The following KDM4C variants were observed in gnomAD, a reference collection of about 807,000 sequenced individuals.
The protein encoded by KDM4C is lysine demethylase 4C.
A neutral mutation model predicts 129.3 loss-of-function variants in KDM4C; 81 were observed. That is an observed-to-expected ratio of 0.63 (90% confidence interval 0.52 to 0.75). The LOEUF is 0.75. Ranked by LOEUF, KDM4C falls within the 30% of genes least tolerant of loss-of-function variation. KDM4C has a pLI of 0.00. For missense variants in KDM4C, 1,457 were observed against 1,304.0 expected, an observed-to-expected ratio of 1.12 and a Z score of -1.81; for synonymous variants, 573 against 456.1, an observed-to-expected ratio of 1.26 and a Z score of -3.26.
intron 8 of KDM4C, among the ~76,000 whole-genome samples, chr9:6,930,979 C>T (rs1183119632): frequency 6.6e-6 from 1 of 152,128 alleles, no homozygotes; most frequent in East Asian, 1.9e-4. Context: ...TGAGTACATG[C>T]TGAAATATGC....
At chr9:6,789,250 T>C (rs1826074106) in intron 1 of KDM4C, among the ~76,000 whole-genome samples, 1 of 149,250 alleles carries the variant, frequency 6.7e-6, no homozygotes, top group South Asian at 2.1e-4. Context: ...GATGGCGTTT[T>C]GCTCTTGTTG....
intron 6 of KDM4C, among the ~76,000 whole-genome samples, chr9:6,880,752 TG>T (rs1203529632): frequency 6.6e-6 from 1 of 152,212 alleles, no homozygotes; most frequent in African/African-American, 2.4e-5. Context: ...CTTTTGTGTG[TG>T]TAGACAATGC....
intron 17 of KDM4C, among the ~76,000 whole-genome samples, chr9:7,064,507 G>T (rs1213674766): frequency 1.3e-5 from 2 of 152,134 alleles, no homozygotes; most frequent in Admixed American, 6.5e-5. Flanking sequence ...ATACGAGGCA[G>T]GGTTGGTCAG....
intron 11 of KDM4C, among the ~76,000 whole-genome samples, chr9:6,990,130 C>G (rs1197094449): frequency 1.3e-5 from 2 of 152,124 alleles, no homozygotes; most frequent in Non-Finnish European, 2.9e-5. Flanking sequence ...TTGTTAACTG[C>G]TGAGCTTATT....
chr9:7,052,033 G>C (rs1830220088), intron 17 of KDM4C, among the ~76,000 whole-genome samples: 1 of 152,158 alleles, frequency 6.6e-6, no homozygotes, highest in Non-Finnish European at 1.5e-5. Flanking sequence ...CGAAGATATA[G>C]ACAGAAAGAG....
intron 15 of KDM4C, among the ~76,000 whole-genome samples, chr9:7,040,605 C>G (rs1828428402): frequency 6.6e-6 from 1 of 151,834 alleles, no homozygotes; most frequent in African/African-American, 2.4e-5. Context: ...AGATTTTTAT[C>G]ACACTGAGAG....
At chr9:6,748,922 G>A in intron 1 of KDM4C, 1 of 920,498 alleles carries the variant, frequency 1.1e-6, no homozygotes, top group South Asian at 1.3e-5. Context: ...ATCTGAAGAT[G>A]AGGTTGATGG....
At chr9:6,741,009 G>C (rs1235420242) in intron 1 of KDM4C, among the ~76,000 whole-genome samples, 1 of 151,408 alleles carries the variant, frequency 6.6e-6, no homozygotes, top group Non-Finnish European at 1.5e-5. Context: ...ATTTTTAGTA[G>C]AGATAGGGTT....
chr9:6,736,461 G>C (rs1489636030), intron 1 of KDM4C, among the ~76,000 whole-genome samples: 2 of 152,074 alleles, frequency 1.3e-5, no homozygotes, highest in African/African-American at 4.8e-5. Context: ...GCAGTCTAGG[G>C]ACTTGTTGCC....
At chr9:7,040,426 T>A (rs1342304360) in intron 15 of KDM4C, among the ~76,000 whole-genome samples, 1 of 151,068 alleles carries the variant, frequency 6.6e-6, no homozygotes, top group Non-Finnish European at 1.5e-5. Flanking sequence ...TGTCTGTGTG[T>A]CTGTTTGTTG....
intron 17 of KDM4C, among the ~76,000 whole-genome samples, chr9:7,092,407 T>C (rs2133055726): frequency 6.6e-6 from 1 of 152,296 alleles, no homozygotes; most frequent in East Asian, 1.9e-4. Context: ...AAGTGTTACC[T>C]TTATTACAAA....
chr9:6,866,551 T>C (rs1012635814), intron 5 of KDM4C, among the ~76,000 whole-genome samples: 1 of 152,172 alleles, frequency 6.6e-6, no homozygotes, highest in Non-Finnish European at 1.5e-5. Flanking sequence ...GGGAATGGTA[T>C]TCCTGCCATC....
intron 15 of KDM4C, among the ~76,000 whole-genome samples, chr9:7,030,201 TAAATA>T (rs1201648915): frequency 1.3e-5 from 2 of 152,186 alleles, no homozygotes; most frequent in East Asian, 3.8e-4. Flanking sequence ...TTAGGGACCT[TAAATA>T]AAACTGAATT....
chr9:6,990,365 T>C, intron 11 of KDM4C, 51 bp from the exon 12 acceptor site: 1 of 1,144,100 alleles, frequency 8.7e-7, no homozygotes, highest in Non-Finnish European at 1.3e-6. Context: ...TTTTTTTTTG[T>C]AGTTTGTTTT....
chr9:6,900,116 G>A (rs1163492818), intron 8 of KDM4C, among the ~76,000 whole-genome samples: 1 of 152,162 alleles, frequency 6.6e-6, no homozygotes, highest in Non-Finnish European at 1.5e-5. Context: ...TTCTTGATCA[G>A]TGATGATGCA....
At chr9:7,000,812 T>C (rs1024764864) in intron 12 of KDM4C, among the ~76,000 whole-genome samples, 66 of 152,372 alleles carry the variant, frequency 4.3e-4, no homozygotes, top group Non-Finnish European at 7.8e-4. Context: ...TGGTACACTT[T>C]GTTTTCATTG....
intron 5 of KDM4C, among the ~76,000 whole-genome samples, chr9:6,873,535 C>G (rs987807194): frequency 6.6e-6 from 1 of 152,190 alleles, no homozygotes; most frequent in African/African-American, 2.4e-5. Flanking sequence ...CAATGGCTTT[C>G]CTGAAACGTC....
At chr9:6,941,075 G>T (rs1043505086) in intron 8 of KDM4C, among the ~76,000 whole-genome samples, 10 of 151,442 alleles carry the variant, frequency 6.6e-5, no homozygotes, top group Non-Finnish European at 7.4e-5. Context: ...GTGTCATCCA[G>T]GTTGGAGTGC....
At chr9:6,980,774 G>T (rs1354518601) in intron 8 of KDM4C, 151 bp from the exon 9 acceptor site, 1 of 623,908 alleles carries the variant, frequency 1.6e-6, no homozygotes, top group South Asian at 2.3e-5. Flanking sequence ...AAGAAATTGG[G>T]TTTATCACCC....
Sources: allele counts gnomAD v4.1 joint callset (sites outside exome capture counted in the v4.1 genomes callset), GRCh38; gene constraint gnomAD v4.1.1; transcripts MANE v1.5; gene names NCBI Gene and HGNC (gene_info 2026-07-23, HGNC 2026-07-21).